TSHZ3: variants seen among roughly 807,000 people sequenced by gnomAD.
TSHZ3 encodes the protein teashirt zinc finger homeobox 3, also known as teashirt homolog 3.
Under a neutral mutation model 64.5 loss-of-function variants are expected in TSHZ3, and 10 were observed. That is an observed-to-expected ratio of 0.16 (90% CI 0.10 to 0.26). The LOEUF (loss-of-function observed/expected upper bound fraction) is 0.26. Ranked by LOEUF, TSHZ3 falls within the 10% of genes least tolerant of loss-of-function variation. TSHZ3 has a pLI of 1.00. For missense variants in TSHZ3, 1,242 were observed against 1,421.7 expected (o/e 0.87, Z 2.03); for synonymous variants, 608 against 593.1 (o/e 1.03, Z -0.36).
rs554859694 is a variant in TSHZ3, at chr19:31,181,158, A to G, written n.809+23798T>C. On this transcript the variant is annotated intron_variant and non_coding_transcript_variant, in intron 5 of 6. Transcript: ENST00000651361. ...TTTAGATCCACTTACCAGTTTTTGA[A>G]GAATCAAGCAGAACAGCACCAACTT... Among the ~76,000 whole-genome samples, 36 of 152,206 alleles carry G rather than the reference A, an allele frequency of 2.4e-4. 1 individual carries two copies. The South Asian group carries it at 4.8e-3, about 20-fold the overall frequency.
At chr19:31,252,259 T>G (rs2145192323) in intron 1 of TSHZ3, among the ~76,000 whole-genome samples, 1 of 152,304 alleles carries the variant, frequency 6.6e-6, no homozygotes, top group South Asian at 2.1e-4. Flanking sequence ...TTTGGTGGCC[T>G]TCCTGAGGTT....
intron 5 of TSHZ3, among the ~76,000 whole-genome samples, chr19:31,171,794 C>T (rs924654813): frequency 6.6e-6 from 1 of 152,128 alleles, no homozygotes; most frequent in South Asian, 2.1e-4. Context: ...AATGTGATGT[C>T]AGTATTGAGA....
chr19:31,238,008 C>A (rs1975641844), intron 3 of TSHZ3, among the ~76,000 whole-genome samples: 1 of 152,130 alleles, frequency 6.6e-6, no homozygotes, highest in African/African-American at 2.4e-5. Flanking sequence ...TATTTTATGA[C>A]TAGAATATTA....
intron 5 of TSHZ3, among the ~76,000 whole-genome samples, chr19:31,186,555 A>C (rs1033005623): frequency 5.3e-5 from 8 of 152,228 alleles, no homozygotes; most frequent in African/African-American, 7.2e-5. Context: ...TGAGTCAATT[A>C]AACCTCTTTT....
chr19:31,227,838 C>A (rs116273320), intron 4 of TSHZ3, among the ~76,000 whole-genome samples: 2,072 of 152,294 alleles, frequency 0.014, 44 homozygotes, highest in African/African-American at 0.046. Flanking sequence ...CAGCAACCAT[C>A]CAGTTTCTTC....
chr19:31,350,373 TTCCTC>T (rs2021682786), upstream of TSHZ3, among the ~76,000 whole-genome samples: 1 of 150,858 alleles, frequency 6.6e-6, no homozygotes, highest in African/African-American at 2.4e-5. Flanking sequence ...TCCTTCAAGT[TTCCTC>T]TCCTGACTTT....
chr19:31,299,955 T>C (rs1976725765), intron 1 of TSHZ3, among the ~76,000 whole-genome samples: 1 of 152,246 alleles, frequency 6.6e-6, no homozygotes, highest in African/African-American at 2.4e-5. Context: ...CCTGTGTTAA[T>C]GAAGTTAATT....
At chr19:31,327,006 A>G (rs538117866) in intron 1 of TSHZ3, among the ~76,000 whole-genome samples, 1 of 152,322 alleles carries the variant, frequency 6.6e-6, no homozygotes, top group South Asian at 2.1e-4. Context: ...AGAAGTGAGC[A>G]GTCCAGAATG....
chr19:31,304,194 C>T (rs757247290), intron 1 of TSHZ3, among the ~76,000 whole-genome samples: 1 of 152,136 alleles, frequency 6.6e-6, no homozygotes, highest in African/African-American at 2.4e-5. Context: ...AAGCTGGTCT[C>T]GAACTTCTGA....
chr19:31,193,802 TG>T (rs1379520992), intron 5 of TSHZ3, among the ~76,000 whole-genome samples: 1 of 152,218 alleles, frequency 6.6e-6, no homozygotes, highest in Non-Finnish European at 1.5e-5. Context: ...AATGTATTTT[TG>T]TTAATTTTTT....
In TSHZ3 at chr19:31,326,193, A is replaced by C. The variant is rs1015394453; in HGVS notation, c.40+22987T>G. ...AATATTTAAAATATACTTTTAATTT[A>C]ATGGCAAAACTGCAATTACTTTTGC... On this transcript the variant is annotated intron_variant, in intron 1 of 1. Transcript: ENST00000240587. 5.3e-5 allele frequency among the ~76,000 whole-genome samples: 8 copies of C among 152,358 alleles called. No homozygotes were observed. In the South Asian group the frequency reaches 8.3e-4, roughly 16 times the overall value.
At chr19:31,222,681 A>G (rs896827952) in intron 4 of TSHZ3, among the ~76,000 whole-genome samples, 2 of 152,194 alleles carry the variant, frequency 1.3e-5, no homozygotes, top group African/African-American at 4.8e-5. Flanking sequence ...GACTTCCTTC[A>G]TAGGAGGTAC....
chr19:31,228,077 C>T (rs989095264), exon 4 of TSHZ3, among the ~76,000 whole-genome samples: 1 of 152,180 alleles, frequency 6.6e-6, no homozygotes, highest in Non-Finnish European at 1.5e-5. Flanking sequence ...CGTGGAACAT[C>T]TAGAGTCATC....
At chr19:31,344,022 A>T (rs1047619568) in intron 1 of TSHZ3, among the ~76,000 whole-genome samples, 1 of 152,230 alleles carries the variant, frequency 6.6e-6, no homozygotes, top group African/African-American at 2.4e-5. Context: ...CAAAGAATTT[A>T]AAAATGACTG....
intron 4 of TSHZ3, among the ~76,000 whole-genome samples, chr19:31,205,683 C>T (rs1328001374): frequency 1.3e-5 from 2 of 152,184 alleles, no homozygotes; most frequent in Non-Finnish European, 2.9e-5. Context: ...AATGACTGCC[C>T]GACCCTCCAT....
upstream of TSHZ3, among the ~76,000 whole-genome samples, chr19:31,350,189 C>A (rs866837118): frequency 2.4e-3 from 357 of 150,768 alleles, 2 homozygotes; most frequent in African/African-American, 7.9e-3. Flanking sequence ...CCAGAGCCCA[C>A]GGGCAGGCCC....
intron 4 of TSHZ3, among the ~76,000 whole-genome samples, chr19:31,224,975 C>T (rs1260322414): frequency 6.6e-6 from 1 of 152,150 alleles, no homozygotes; most frequent in Non-Finnish European, 1.5e-5. Context: ...GGCCCCTGTT[C>T]CCCCTGAGCA....
At chr19:31,319,049 C>T (rs1355393362) in intron 1 of TSHZ3, among the ~76,000 whole-genome samples, 1 of 152,208 alleles carries the variant, frequency 6.6e-6, no homozygotes, top group African/African-American at 2.4e-5. Context: ...GACCAGGGAC[C>T]TGAGAAGTTG....
intron 1 of TSHZ3, among the ~76,000 whole-genome samples, chr19:31,344,028 G>C (rs1392578086): frequency 6.6e-6 from 1 of 152,158 alleles, no homozygotes; most frequent in Admixed American, 6.5e-5. Flanking sequence ...ATTTAAAAAT[G>C]ACTGCCTGTC....
Sources: gnomAD v4.1 joint callset for allele counts (sites outside exome capture counted in the v4.1 genomes callset) on GRCh38, gnomAD v4.1.1 for gene constraint, MANE v1.5 for transcripts, NCBI Gene and HGNC (gene_info 2026-07-23, HGNC 2026-07-21) for gene names.